Variants in WNT2 observed in about 807,000 individuals in gnomAD.
WNT2 encodes Wnt family member 2, also known as protein Wnt-2.
WNT2 carries 12 observed loss-of-function variants against 36.9 expected under a neutral mutation model. That is an observed-to-expected ratio of 0.33 (90% CI 0.21 to 0.53). The LOEUF (loss-of-function observed/expected upper bound fraction) is 0.53. Ranked by LOEUF, WNT2 falls within the 20% of genes least tolerant of loss-of-function variation. The pLI, the probability that WNT2 is intolerant of heterozygous loss-of-function variation, is 0.95. For missense variants in WNT2, 379 were observed against 473.1 expected, an observed-to-expected ratio of 0.80 and a Z score of 1.84; for synonymous variants, 163 against 174.6, an observed-to-expected ratio of 0.93 and a Z score of 0.52.
At chr7:117,321,081 G>A (rs1251713646) in intron 1 of WNT2, among the ~76,000 whole-genome samples, 1 of 152,164 alleles carries the variant, frequency 6.6e-6, no homozygotes, top group African/African-American at 2.4e-5. Context: ...GGGCACAGAG[G>A]CAAAGTCGGC....
chr7:117,310,818 A>G (rs1397115083), intron 3 of WNT2, among the ~76,000 whole-genome samples: 1 of 152,074 alleles, frequency 6.6e-6, no homozygotes, highest in Non-Finnish European at 1.5e-5. Flanking sequence ...TCCAGCTCAA[A>G]CACCCAGTTC....
intron 3 of WNT2, among the ~76,000 whole-genome samples, chr7:117,302,805 T>C (rs1354004868): frequency 6.6e-6 from 1 of 152,112 alleles, no homozygotes; most frequent in African/African-American, 2.4e-5. Context: ...TGTAGAACAA[T>C]ATATGTGGTA....
At chr7:117,312,023 T>C (rs1163592588) in intron 3 of WNT2, among the ~76,000 whole-genome samples, 1 of 152,226 alleles carries the variant, frequency 6.6e-6, no homozygotes, top group Non-Finnish European at 1.5e-5. Flanking sequence ...ATAGAAACTT[T>C]CAGAGTGATG....
rs1334775068 is a variant in WNT2, at chr7:117,278,099, T to A, written c.*56A>T. 35 of 1,580,974 alleles carry A rather than the reference T, an allele frequency of 2.2e-5. No individual in the cohort carries two copies. In the East Asian group the frequency reaches 7.4e-4, roughly 33 times the overall value. ...AAAGAACCCAAAGGTCCAGTGTTCT[T>A]GCAGATCCAATGGAGTCCTTGTAGA... On this transcript the variant is annotated 3_prime_UTR_variant, in exon 5 of 5. Transcript: ENST00000265441.
chr7:117,316,770 CA>C (rs1157638335), intron 2 of WNT2, among the ~76,000 whole-genome samples: 1 of 152,138 alleles, frequency 6.6e-6, no homozygotes, highest in Admixed American at 6.5e-5. Flanking sequence ...TAGGTAAAAT[CA>C]ATTATATGAC....
intron 3 of WNT2, among the ~76,000 whole-genome samples, chr7:117,307,513 T>A (rs187072174): frequency 2.0e-5 from 3 of 152,308 alleles, no homozygotes; most frequent in Admixed American, 2.0e-4. Context: ...TCTCTGGGGC[T>A]CATGTTCCTT....
chr7:117,292,506 T>G (rs1391444407), intron 4 of WNT2, among the ~76,000 whole-genome samples: 1 of 152,194 alleles, frequency 6.6e-6, no homozygotes, highest in Non-Finnish European at 1.5e-5. Context: ...AGGGCCTGAC[T>G]CGCAGCAGGA....
chr7:117,277,811 TGGCC>T lies in WNT2; in HGVS notation c.*340_*343del. The T allele has an allele frequency of 4.2e-6, 1 of 238,422 alleles. No homozygotes were observed. Among genetic ancestry groups the T allele is most frequent in the Non-Finnish European group, 8.2e-6 (1 of 121,898 alleles). 14.8% of individuals were successfully genotyped at this position (238,422 alleles called of 1,614,324 possible). On this transcript the variant is annotated 3_prime_UTR_variant, in exon 5 of 5. Coordinates refer to ENST00000265441, the MANE Select transcript of WNT2 (RefSeq NM_003391.3). ...CCTTTGAGACACTTTTTTTTCTGCT[TGGCC>T]AACTGCTCTAGAAAGAAGAAACGTC...
Position 117,320,583 on chromosome 7 carries a change from G to A in WNT2, c.294C>T (p.Gly98=). The A allele has an allele frequency of 6.2e-7, 1 of 1,613,472 alleles. No individual in the cohort carries two copies. Among genetic ancestry groups the A allele is most frequent in the East Asian group, 2.2e-5 (1 of 44,834 alleles). The change falls in exon 2 of 5, where the codon GGC becomes GGT. Residue 98 remains glycine (G), a synonymous_variant. Coordinates refer to ENST00000265441, the MANE Select transcript of WNT2 (RefSeq NM_003391.3). ...NTLDRDHSLF[G]RVLLRSSRES... is the part of the protein sequence containing the mutation. ...GAGACTTACTTCGGAGTAGGACCCT[G>A]CCAAAAAGGCTGTGATCCCTGTCCA...
At chr7:117,304,500 G>A (rs1330884727) in intron 3 of WNT2, among the ~76,000 whole-genome samples, 1 of 149,490 alleles carries the variant, frequency 6.7e-6, no homozygotes, top group Non-Finnish European at 1.5e-5. Context: ...GCAATGGCGA[G>A]GTCTCTGCTC....
rs190388982 is a variant in WNT2 at position 117,309,725 on chromosome 7, A to G, written c.588+5346T>C. Reference sequence around the variant, plus strand: ...TTCTGATGCCAGGGCCTTATCCTCCATAATGCCTCAGTCAAGAACTCCTAA... The same window carrying G: ...TTCTGATGCCAGGGCCTTATCCTCCGTAATGCCTCAGTCAAGAACTCCTAA... On this transcript the variant is annotated intron_variant, in intron 3 of 4. Coordinates refer to ENST00000265441, the MANE Select transcript of WNT2 (RefSeq NM_003391.3). Among the ~76,000 whole-genome samples the G allele has an allele frequency of 3.9e-4, 60 of 152,320 alleles. No individual in the cohort carries two copies. The East Asian group carries it at 6.8e-3, about 17-fold the overall frequency.
rs910275933 is a variant in WNT2 at position 117,284,267 on chromosome 7, T to C, written c.854-5883A>G. Among the ~76,000 whole-genome samples the C allele has an allele frequency of 6.6e-6, 1 of 152,178 alleles. No individual in the cohort carries two copies. The highest frequency in any genetic ancestry group is 1.5e-5 in the Non-Finnish European group (1 of 68,030). Reference sequence around the variant, plus strand: ...TACAATAAAGACTCATTATTATCAATAGCAGTAGGGCCATACTGTTCCATT... The same window carrying C: ...TACAATAAAGACTCATTATTATCAACAGCAGTAGGGCCATACTGTTCCATT... On this transcript the variant is annotated intron_variant, in intron 4 of 4. Coordinates refer to ENST00000265441, the MANE Select transcript of WNT2 (RefSeq NM_003391.3). The surrounding 1 kb of genome is among the most constrained non-coding windows in gnomAD (Gnocchi z 5.2).
chr7:117,312,075 A>G (rs188006170), intron 3 of WNT2, among the ~76,000 whole-genome samples: 1 of 152,346 alleles, frequency 6.6e-6, no homozygotes, highest in Non-Finnish European at 1.5e-5. Context: ...TTTCATACAG[A>G]TTCCCTTAGG....
At chr7:117,281,168 C>A (rs978530898) in intron 4 of WNT2, among the ~76,000 whole-genome samples, 6 of 152,172 alleles carry the variant, frequency 3.9e-5, no homozygotes, top group Non-Finnish European at 5.9e-5. Context: ...ACTGCTGATT[C>A]AGGGAGGCTA....
At chr7:117,302,623 C>T (rs1214287913) in intron 3 of WNT2, among the ~76,000 whole-genome samples, 1 of 152,118 alleles carries the variant, frequency 6.6e-6, no homozygotes, top group Non-Finnish European at 1.5e-5. Flanking sequence ...CTTCATGCAG[C>T]TATTGCATAA....
chr7:117,297,289 T>G (rs1386251584), intron 4 of WNT2, among the ~76,000 whole-genome samples: 5 of 152,102 alleles, frequency 3.3e-5, no homozygotes, highest in Non-Finnish European at 7.4e-5. Flanking sequence ...CAGGCTGGAG[T>G]GCACCTCAGC....
At chr7:117,303,273 C>A (rs555792057) in intron 3 of WNT2, among the ~76,000 whole-genome samples, 1 of 152,154 alleles carries the variant, frequency 6.6e-6, no homozygotes, top group Non-Finnish European at 1.5e-5. Context: ...AGAATTCCTG[C>A]GGCAGAAGCT....
At chr7:117,292,099 A>G (rs573684424) in intron 4 of WNT2, among the ~76,000 whole-genome samples, 6 of 152,270 alleles carry the variant, frequency 3.9e-5, no homozygotes, top group South Asian at 4.1e-4. Flanking sequence ...CTTAGGAGCA[A>G]TCAAAGGCAT....
chr7:117,289,974 A>G (rs563880868), intron 4 of WNT2, among the ~76,000 whole-genome samples: 122 of 152,220 alleles, frequency 8.0e-4, no homozygotes, highest in African/African-American at 2.9e-3. Flanking sequence ...TGACCATGGA[A>G]GTGGGTGGCA....
Sources: allele counts gnomAD v4.1 joint callset (sites outside exome capture counted in the v4.1 genomes callset), GRCh38; gene constraint gnomAD v4.1.1; non-coding constraint Gnocchi (gnomAD v3.1); transcripts MANE v1.5; gene names NCBI Gene and HGNC (gene_info 2026-07-23, HGNC 2026-07-21).